SLIT1: variants seen among roughly 807,000 people sequenced by gnomAD.
SLIT1 encodes the protein slit homolog 1 protein.
Under a neutral mutation model 186.1 loss-of-function variants are expected in SLIT1, and 66 were observed. The observed-to-expected ratio is 0.35, with a 90% CI of 0.29 to 0.44. The LOEUF is 0.44. Ranked by LOEUF, SLIT1 falls within the 20% of genes least tolerant of loss-of-function variation. The probability of loss-of-function intolerance (pLI) is 1.00; values close to 1 mark genes in which losing one functional copy is unlikely to be tolerated. For synonymous variants in SLIT1, 761 were observed against 833.8 expected (o/e 0.91, Z 1.50); for missense variants, 1,638 against 2,037.4 (o/e 0.80, Z 3.77).
At chr10:97,113,674 T>C (rs1477339606) in intron 4 of SLIT1, among the ~76,000 whole-genome samples, 4 of 152,066 alleles carry the variant, frequency 2.6e-5, no homozygotes, top group Middle Eastern at 3.2e-3. Flanking sequence ...TGCCTCAGCC[T>C]CCTGAGTAGC....
intron 3 of SLIT1, among the ~76,000 whole-genome samples, chr10:97,162,920 A>C (rs1032532727): frequency 1.1e-4 from 17 of 152,126 alleles, no homozygotes; most frequent in African/African-American, 4.1e-4. Flanking sequence ...AAACCATGTG[A>C]ATCAGGACAG....
At chr10:97,167,493 G>A (rs1850135927) in intron 1 of SLIT1, among the ~76,000 whole-genome samples, 1 of 152,192 alleles carries the variant, frequency 6.6e-6, no homozygotes. Context: ...AAGTTAAATG[G>A]ATGTTAGTAG....
In SLIT1 at chr10:97,056,350, A is replaced by G; in HGVS notation, c.1272T>C (p.Thr424=). The G allele has an allele frequency of 6.2e-7, 1 of 1,614,210 alleles. No homozygotes were observed. The highest frequency in any genetic ancestry group is 1.3e-5 in the African/African-American group (1 of 75,054). The part of the protein sequence containing the change: ...DNKIQSLAKG[T]FTSLRAIQTL... ...TCTGGATGGCCCGCAGGGAGGTGAA[A>G]GTGCCCTTGGCGAGGCTCTGGATCT... The change falls in exon 13 of 37, where the codon ACT becomes ACC. Residue 424 remains threonine, a synonymous_variant. Transcript: ENST00000266058.
At chr10:97,082,863 A>G (rs999120734) in intron 4 of SLIT1, among the ~76,000 whole-genome samples, 1 of 152,130 alleles carries the variant, frequency 6.6e-6, no homozygotes, top group Non-Finnish European at 1.5e-5. Context: ...CTTTCTGCTC[A>G]ATTTTGCTGT....
chr10:97,183,060 C>T (rs1025259358), intron 1 of SLIT1, among the ~76,000 whole-genome samples: 1 of 152,186 alleles, frequency 6.6e-6, no homozygotes, highest in African/African-American at 2.4e-5. Context: ...GCTGTTCCCT[C>T]TGCCTAGATT....
chr10:97,057,103 C>T, intron 12 of SLIT1, 107 bp downstream of exon 12: 1 of 806,992 alleles, frequency 1.2e-6, no homozygotes, highest in African/African-American at 1.7e-5. Flanking sequence ...CTCATTGTCT[C>T]AATTGAGTCC....
chr10:97,076,396 T>C (rs150978982), intron 4 of SLIT1, among the ~76,000 whole-genome samples: 3 of 152,294 alleles, frequency 2.0e-5, no homozygotes, highest in Non-Finnish European at 4.4e-5. Flanking sequence ...GGGATGCACA[T>C]GCTGCTCAGA....
intron 4 of SLIT1, among the ~76,000 whole-genome samples, chr10:97,075,989 G>C (rs1315848685): frequency 3.9e-5 from 6 of 152,170 alleles, no homozygotes; most frequent in African/African-American, 9.7e-5. Flanking sequence ...AGTGAGTGGA[G>C]AGAGGGAAGA....
chr10:97,095,174 T>C (rs1276567171), intron 4 of SLIT1, among the ~76,000 whole-genome samples: 1 of 152,156 alleles, frequency 6.6e-6, no homozygotes, highest in Non-Finnish European at 1.5e-5. Context: ...TCCCAGCTAC[T>C]AGGGAGACTA....
intron 4 of SLIT1, among the ~76,000 whole-genome samples, chr10:97,143,722 C>G (rs2134706101): frequency 6.6e-6 from 1 of 152,276 alleles, no homozygotes. Flanking sequence ...GTTGCAGATA[C>G]ATCAGGGAAT....
At chr10:97,064,317 C>G in intron 6 of SLIT1, 78 bp from the exon 7 acceptor site, 4 of 1,198,746 alleles carry the variant, frequency 3.3e-6, no homozygotes, top group Non-Finnish European at 4.9e-6. Flanking sequence ...TGCTAACGAA[C>G]AGGGAGGCTC....
intron 4 of SLIT1, 117 bp downstream of exon 4, chr10:97,157,701 G>A: frequency 1.3e-6 from 1 of 765,646 alleles, no homozygotes; most frequent in Non-Finnish European, 2.3e-6. Flanking sequence ...TGCCAGGGGA[G>A]GAGCACAGGG....
intron 35 of SLIT1, 116 bp from the exon 36 acceptor site, chr10:97,002,485 A>T: frequency 6.1e-6 from 5 of 818,508 alleles, no homozygotes; most frequent in Non-Finnish European, 9.3e-6. Flanking sequence ...CAGGTCTTTA[A>T]TCTGTTCCCA....
intron 4 of SLIT1, chr10:97,153,239 A>G (rs2784921): frequency 0.84 from 128,063 of 152,186 alleles, 53,966 homozygotes; most frequent in African/African-American, 0.88. Context: ...GGAAAGAAAT[A>G]GACAGACTAA....
intron 4 of SLIT1, among the ~76,000 whole-genome samples, chr10:97,123,360 GAGA>G (rs1322328053): frequency 6.6e-6 from 1 of 152,228 alleles, no homozygotes; most frequent in Non-Finnish European, 1.5e-5. Flanking sequence ...CATCTAGCAA[GAGA>G]AGAAGTAGAG....
chr10:97,004,986 A>G lies in SLIT1; in HGVS notation c.3580-163T>C, dbSNP rs1473945116. Among the ~76,000 whole-genome samples, 1 of 152,078 alleles carries G rather than the reference A, an allele frequency of 6.6e-6. No individual in the cohort carries two copies. Among genetic ancestry groups the G allele is most frequent in the Non-Finnish European group, 1.5e-5 (1 of 68,000 alleles). On this transcript the variant is annotated intron_variant, in intron 32 of 36. Transcript: ENST00000266058. The surrounding 1 kb of genome is among the most constrained non-coding windows in gnomAD (Gnocchi z 5.1). ...CCCCAAGGCCATTCCTCCAGGGGGC[A>G]CCAATAGGGGCTGCAGCCTCTGGTT...
rs755546781 is a variant in SLIT1 at position 97,047,676 on chromosome 10, C to A, written c.1634+14G>T. ...TAGGGACAGGGGAGGGCTGGGGGGG[C>A]CAGGGACCCTCACAGTTCTGCCGTG... On this transcript the variant is annotated intron_variant, in intron 16 of 36. Transcript: ENST00000266058. 15 of 1,611,738 alleles carry A rather than the reference C, an allele frequency of 9.3e-6. No individual in the cohort carries two copies. The highest frequency in any genetic ancestry group is 1.2e-5 in the Non-Finnish European group (14 of 1,179,150).
At chr10:97,147,070 C>G (rs1045170222) in intron 4 of SLIT1, among the ~76,000 whole-genome samples, 7 of 152,030 alleles carry the variant, frequency 4.6e-5, no homozygotes, top group African/African-American at 1.7e-4. Flanking sequence ...GTGGTCTATC[C>G]AAACAGTGGA....
chr10:97,021,371 G>C lies in SLIT1; in HGVS notation c.2625C>G (p.Arg875=). ...CAGTCTTCACCCAGCTGGACAGCCA[G>C]CGGAGGTGGCAGTCACAGTATAGGG... ...ANPLYCDCHL[R]WLSSWVKTGY... Residue 875 remains arginine, a synonymous_variant, in exon 26 of 37, where the codon CGC becomes CGG. Transcript: ENST00000266058. The surrounding 1 kb of genome is among the most constrained non-coding windows in gnomAD (Gnocchi z 4.5). 1.2e-6 allele frequency: 2 copies of C among 1,614,156 alleles called. No homozygotes were observed. The highest frequency in any genetic ancestry group is 1.7e-6 in the Non-Finnish European group (2 of 1,180,018).
Sources: gnomAD v4.1 joint callset for allele counts (sites outside exome capture counted in the v4.1 genomes callset) on GRCh38, gnomAD v4.1.1 for gene constraint, Gnocchi (gnomAD v3.1) non-coding constraint, MANE v1.5 for transcripts, NCBI Gene and HGNC (gene_info 2026-07-23, HGNC 2026-07-21) for gene names.